STAT4: variants seen among roughly 807,000 people sequenced by gnomAD.
STAT4 encodes signal transducer and activator of transcription 4.
Under a neutral mutation model 110.5 loss-of-function variants are expected in STAT4, and 42 were observed. That is an observed-to-expected ratio of 0.38 (90% CI 0.30 to 0.49). The LOEUF (loss-of-function observed/expected upper bound fraction) is 0.49, where lower values mean the gene tolerates loss of function less well. STAT4 is among the 20% of genes least tolerant of loss of function. The pLI is 0.95. For missense variants in STAT4, 632 were observed against 887.9 expected, an observed-to-expected ratio of 0.71 and a Z score of 3.66; for synonymous variants, 284 against 302.2, an observed-to-expected ratio of 0.94 and a Z score of 0.63.
chr2:191,088,449 T>C (rs1574143652), intron 3 of STAT4, among the ~76,000 whole-genome samples: 1 of 152,272 alleles, frequency 6.6e-6, no homozygotes, highest in East Asian at 1.9e-4. Context: ...CATATTCACT[T>C]TAGGCAGAAA....
At chr2:191,130,962 A>G (rs1429967322) in intron 3 of STAT4, among the ~76,000 whole-genome samples, 1 of 151,612 alleles carries the variant, frequency 6.6e-6, no homozygotes, top group Non-Finnish European at 1.5e-5. Flanking sequence ...AAAAAGGATG[A>G]AAATTAAGTA....
chr2:191,068,593 T>G (rs1029243860), intron 6 of STAT4: 1 of 152,162 alleles, frequency 6.6e-6, no homozygotes, highest in African/African-American at 2.4e-5. Context: ...TCGAAGATGA[T>G]TCTGTAAATG....
chr2:191,049,297 C>T (rs1310315268), intron 14 of STAT4, among the ~76,000 whole-genome samples: 2 of 151,320 alleles, frequency 1.3e-5, no homozygotes, highest in Non-Finnish European at 1.5e-5. Context: ...GCCTCAGCCT[C>T]CTGAGTAGCT....
At chr2:191,040,689 G>A (rs1290810961) in intron 15 of STAT4, among the ~76,000 whole-genome samples, 1 of 152,080 alleles carries the variant, frequency 6.6e-6, no homozygotes, top group Non-Finnish European at 1.5e-5. Context: ...TGCCTCCTGA[G>A]TAGCTGGGAC....
At chr2:191,044,782 A>T (rs1055638823) in intron 14 of STAT4, among the ~76,000 whole-genome samples, 2 of 152,230 alleles carry the variant, frequency 1.3e-5, no homozygotes, top group African/African-American at 2.4e-5. Flanking sequence ...GAACTCATAG[A>T]TGGACATGTT....
chr2:191,120,891 C>T (rs1466572418), intron 3 of STAT4, among the ~76,000 whole-genome samples: 1 of 152,168 alleles, frequency 6.6e-6, no homozygotes, highest in Non-Finnish European at 1.5e-5. Flanking sequence ...ACACCAAAAG[C>T]AATGGCAACA....
Position 191,133,037 on chromosome 2 carries a change from G to A in STAT4, c.273+13576C>T, listed in dbSNP as rs957564283. 5.3e-5 allele frequency among the ~76,000 whole-genome samples: 8 copies of A among 151,276 alleles called. No individual in the cohort carries two copies. In the South Asian group the frequency reaches 6.2e-4, roughly 12 times the overall value. On this transcript the variant is annotated intron_variant, in intron 3 of 23. Transcript: ENST00000392320. ...CCAAAGTGCTGGGATTACAGGCGTG[G>A]GCCACTGCGCCTGGCGGTTTTCATA...
At position 191,146,503 on chromosome 2, in the gene STAT4, ATT is replaced by A. The variant is rs1699463948; in HGVS notation, c.273+108_273+109del. 22 of 1,084,768 alleles carry A rather than the reference ATT, an allele frequency of 2.0e-5. No homozygotes were observed. The highest frequency in any genetic ancestry group is 2.5e-5 in the Non-Finnish European group (21 of 837,540). The allele number at this position is 1,084,768 out of a possible 1,614,324, so 67.2% of individuals were successfully genotyped here. A position where few individuals can be genotyped will look rare whatever the true frequency, so the allele number is the denominator to read the frequency against. On this transcript the variant is annotated intron_variant, in intron 3 of 23. Coordinates refer to ENST00000392320, the MANE Select transcript of STAT4 (RefSeq NM_003151.4). The surrounding 1 kb of genome is among the most constrained non-coding windows in gnomAD (Gnocchi z 4.5). ...AATTTGTAAGTGGTAAGACAACTCAATTTTCCCCTAAATTTCATTTGAAAATA... is the reference window on the plus strand; with the variant it reads ...AATTTGTAAGTGGTAAGACAACTCAATTCCCCTAAATTTCATTTGAAAATA...
chr2:191,114,645 A>C (rs1698525051), intron 3 of STAT4, among the ~76,000 whole-genome samples: 1 of 152,160 alleles, frequency 6.6e-6, no homozygotes, highest in Non-Finnish European at 1.5e-5. Flanking sequence ...GACACCTCCT[A>C]TCAAAAGTGA....
intron 1 of STAT4, 95 bp from the exon 2 acceptor site, chr2:191,148,299 T>C: frequency 7.0e-7 from 1 of 1,433,814 alleles, no homozygotes. Flanking sequence ...ATGTTATGAC[T>C]GAATTCCAAT....
At chr2:191,094,917 C>CAAAAA (rs1165913847) in intron 3 of STAT4, among the ~76,000 whole-genome samples, 125 of 77,802 alleles carry the variant, frequency 1.6e-3, no homozygotes, top group Non-Finnish European at 2.0e-3. Context: ...AAATGGAAAG[C>CAAAAA]AAAAAAAAAA....
At chr2:191,075,671 A>C (rs1355996543) in intron 4 of STAT4, among the ~76,000 whole-genome samples, 1 of 152,118 alleles carries the variant, frequency 6.6e-6, no homozygotes, top group African/African-American at 2.4e-5. Context: ...CCAGACATAC[A>C]CTCTGGAAAG....
chr2:191,062,679 C>T lies in STAT4; in HGVS notation c.941+83G>A. 4.0e-6 allele frequency: 6 copies of T among 1,498,532 alleles called. No individual in the cohort carries two copies. Among genetic ancestry groups the T allele is most frequent in the Non-Finnish European group, 5.5e-6 (6 of 1,091,184 alleles). The allele number at this position is 1,498,532 out of a possible 1,614,324, so 92.8% of individuals were successfully genotyped here. On this transcript the variant is annotated intron_variant, in intron 9 of 23. Coordinates refer to ENST00000392320, the MANE Select transcript of STAT4 (RefSeq NM_003151.4). This position sits in a 1 kb window ranked among gnomAD's most constrained non-coding sequence, Gnocchi z 4.9. ...CTCGTTGTTGAATACTTCCCTGCCA[C>T]TCTTCCACCTAAACACCAAAACCTT...
At chr2:191,049,036 T>C (rs1254159724) in intron 14 of STAT4, among the ~76,000 whole-genome samples, 1 of 151,854 alleles carries the variant, frequency 6.6e-6, no homozygotes, top group Non-Finnish European at 1.5e-5. Context: ...TAACCAGGGC[T>C]TCACTTGGAA....
At chr2:191,122,478 T>A (rs1698765443) in intron 3 of STAT4, among the ~76,000 whole-genome samples, 1 of 152,250 alleles carries the variant, frequency 6.6e-6, no homozygotes, top group South Asian at 2.1e-4. Flanking sequence ...TAATGCCCTA[T>A]TACCCAGCCA....
chr2:191,118,188 A>G (rs896306553), intron 3 of STAT4, among the ~76,000 whole-genome samples: 1 of 152,124 alleles, frequency 6.6e-6, no homozygotes, highest in African/African-American at 2.4e-5. Flanking sequence ...TATTTTTCAC[A>G]CCCTTTGACA....
At position 191,062,911 on chromosome 2, in the gene STAT4, T is replaced by G. The variant is rs776940641; in HGVS notation, c.792A>C (p.Leu264=). The G allele has an allele frequency of 6.2e-7, 1 of 1,613,546 alleles. No individual in the cohort carries two copies. The highest frequency in any genetic ancestry group is 8.5e-7 in the Non-Finnish European group (1 of 1,179,730). ...TCAGTTGGAAAAGACTTTCTGCCAA[T>G]AGTGTAAAGCTATTGAACAGAAAAT... ...GLDQLQNCFT[L]LAESLFQLRR... The change falls in exon 9 of 24, where the codon CTA becomes CTC. Residue 264 remains leucine (L), a synonymous_variant. Transcript: ENST00000392320. This position sits in a 1 kb window ranked among gnomAD's most constrained non-coding sequence, Gnocchi z 4.9.
rs909585914 is a variant in STAT4 at position 191,053,611 on chromosome 2, C to T, written c.1251+879G>A. Among the ~76,000 whole-genome samples the T allele has an allele frequency of 5.3e-5, 8 of 152,062 alleles. No homozygotes were observed. Among genetic ancestry groups the T allele is most frequent in the Non-Finnish European group, 7.4e-5 (5 of 68,018 alleles). Reference sequence around the variant, plus strand: ...CTAGTGAAATGCAAACATTAGAGAGCGAGGTAATTGATATCTCAAAATAAT... The same window carrying T: ...CTAGTGAAATGCAAACATTAGAGAGTGAGGTAATTGATATCTCAAAATAAT... On this transcript the variant is annotated intron_variant, in intron 14 of 23. Coordinates refer to ENST00000392320, the MANE Select transcript of STAT4 (RefSeq NM_003151.4). This position sits in a 1 kb window ranked among gnomAD's most constrained non-coding sequence, Gnocchi z 4.5.
rs1696006312 is a variant in STAT4, at chr2:191,035,017, T to G, written c.1571-420A>C. Among the ~76,000 whole-genome samples the G allele has an allele frequency of 6.6e-6, 1 of 152,202 alleles. No individual in the cohort carries two copies. The highest frequency in any genetic ancestry group is 2.4e-5 in the African/African-American group (1 of 41,452). ...CATTATAAAACAAATTTGTGTAAGT[T>G]AGGTATAGCTAGATTACCAGGAATG... On this transcript the variant is annotated intron_variant, in intron 17 of 23. Transcript: ENST00000392320. This position sits in a 1 kb window ranked among gnomAD's most constrained non-coding sequence, Gnocchi z 4.7.
Sources: allele counts gnomAD v4.1 joint callset (sites outside exome capture counted in the v4.1 genomes callset), GRCh38; gene constraint gnomAD v4.1.1; non-coding constraint Gnocchi (gnomAD v3.1); transcripts MANE v1.5; gene names NCBI Gene and HGNC (gene_info 2026-07-23, HGNC 2026-07-21).